Variants in OLAH observed in about 807,000 individuals in gnomAD.
The protein encoded by OLAH is S-acyl fatty acid synthase thioesterase, medium chain.
In OLAH, 33 loss-of-function variants were observed where a neutral mutation model predicts 27.8. That is an observed-to-expected ratio of 1.19 (90% CI 0.90 to 1.59). The LOEUF (loss-of-function observed/expected upper bound fraction) is 1.59, where lower values mean the gene tolerates loss of function less well. OLAH is among the 40% of genes most tolerant of loss of function. The pLI is 0.00. For synonymous variants in OLAH, 120 were observed against 102.9 expected (o/e 1.17, Z -1.01); for missense variants, 359 against 310.8 (o/e 1.16, Z -1.17).
chr10:15,034,101 CATTTTTTTTTTTTCTT>C (rs386741241), intron 1 of OLAH, among the ~76,000 whole-genome samples: 11 of 139,428 alleles, frequency 7.9e-5, no homozygotes, highest in African/African-American at 3.0e-4. Flanking sequence ...CAGACTCCAC[CATTTTTTTTTTTTCTT>C]TTTTTTTTTT....
At chr10:15,041,457 T>C (rs10906814), upstream of OLAH, among the ~76,000 whole-genome samples, 39,879 of 151,650 alleles carry the variant, frequency 0.26, 5,775 homozygotes, top group East Asian at 0.48. Flanking sequence ...TTCATATTTT[T>C]AGTAGAGACG....
chr10:15,065,417 T>G, intron 5 of OLAH, 167 bp from the exon 6 acceptor site: 1 of 632,130 alleles, frequency 1.6e-6, no homozygotes. Flanking sequence ...ATGAGCCTTC[T>G]TCTCCCTACT....
rs1844450887 is a variant in OLAH at position 15,065,582 on chromosome 10, A to G, written c.403-2A>G. On this transcript the variant is annotated splice_acceptor_variant, in intron 5 of 7. Transcript: ENST00000378228. LOFTEE classifies it high-confidence loss of function. ...GGCCTGTGTTGTTGTTCATGTTTCA[A>G]GTCAAAGGCCTGGCATCGCATTCCC... 1.2e-6 allele frequency: 2 copies of G among 1,607,326 alleles called. No individual in the cohort carries two copies. The highest frequency in any genetic ancestry group is 1.7e-6 in the Non-Finnish European group (2 of 1,177,742).
upstream of OLAH, among the ~76,000 whole-genome samples, chr10:15,040,421 T>C (rs114855490): frequency 1.9e-3 from 295 of 152,304 alleles, no homozygotes; most frequent in African/African-American, 6.4e-3. Flanking sequence ...GCCTTTCCAG[T>C]TGCTCCCACT....
chr10:15,049,602 A>G (rs1844091956), intron 2 of OLAH, 33 bp from the exon 3 acceptor site: 1 of 1,427,640 alleles, frequency 7.0e-7, no homozygotes, highest in Non-Finnish European at 9.6e-7. Context: ...ATTGATATAC[A>G]TAATGTTAAA....
At chr10:15,072,457 A>G (rs1844609606) in intron 7 of OLAH, among the ~76,000 whole-genome samples, 1 of 152,150 alleles carries the variant, frequency 6.6e-6, no homozygotes, top group Non-Finnish European at 1.5e-5. Context: ...ACCTAGTGTA[A>G]GAGTTAAAGA....
At chr10:15,046,558 C>G (rs1321807664) in intron 1 of OLAH, among the ~76,000 whole-genome samples, 6 of 151,902 alleles carry the variant, frequency 3.9e-5, no homozygotes, top group Non-Finnish European at 8.8e-5. Context: ...GACTTCATCT[C>G]CCGGGTTCAA....
Position 15,047,126 on chromosome 10 carries a change from G to A in OLAH, c.-163G>A. 3.7e-6 allele frequency: 2 copies of A among 542,472 alleles called. No homozygotes were observed. Among genetic ancestry groups the A allele is most frequent in the Non-Finnish European group, 6.5e-6 (2 of 309,136 alleles). The allele number at this position is 542,472 out of a possible 1,614,324, so 33.6% of individuals were successfully genotyped here. A position where few individuals can be genotyped will look rare whatever the true frequency, so the allele number is the denominator to read the frequency against. ...CTCTGACCTTCTTTATTTTTAACAG[G>A]GATTGGAGAGGTCAATAAGAGTCAG... On this transcript the variant is annotated splice_region_variant and 5_prime_UTR_variant, in exon 2 of 8. Transcript: ENST00000378228.
intron 3 of OLAH, among the ~76,000 whole-genome samples, chr10:15,059,443 T>C (rs1381448655): frequency 6.6e-6 from 1 of 151,652 alleles, no homozygotes; most frequent in Non-Finnish European, 1.5e-5. Context: ...AGCCTCGGCC[T>C]CCCAAAGTGC....
intron 6 of OLAH, chr10:15,071,418 G>T: frequency 5.0e-6 from 3 of 599,032 alleles, no homozygotes; most frequent in Non-Finnish European, 6.3e-6. Context: ...CACGTTTGCT[G>T]CTGTTGTGAG....
intron 1 of OLAH, among the ~76,000 whole-genome samples, chr10:15,045,093 G>A (rs1260440748): frequency 6.6e-6 from 1 of 152,166 alleles, no homozygotes; most frequent in Non-Finnish European, 1.5e-5. Context: ...CTTGAGGAGA[G>A]AGTCACTGTT....
At position 15,061,746 on chromosome 10, in the gene OLAH, A is replaced by T; in HGVS notation, c.186A>T (p.Gly62=). Residue 62 remains glycine (G), a synonymous_variant, in exon 4 of 8, where the codon GGA becomes GGT. Transcript: ENST00000378228. Reference sequence around the variant, plus strand: ...CAGTGCACTCCTTAAGGCTTCCTGGAAGAGAAAGCAGAGTTGAAGAACCTC... The same window carrying T: ...CAGTGCACTCCTTAAGGCTTCCTGGTAGAGAAAGCAGAGTTGAAGAACCTC... ...LLEVHSLRLP[G]RESRVEEPLE... is the part of the protein sequence containing the mutation. The T allele has an allele frequency of 6.2e-7, 1 of 1,612,758 alleles. No homozygotes were observed. The highest frequency in any genetic ancestry group is 8.5e-7 in the Non-Finnish European group (1 of 1,179,520).
At chr10:15,039,954 C>G (rs1843896849), upstream of OLAH, among the ~76,000 whole-genome samples, 1 of 152,192 alleles carries the variant, frequency 6.6e-6, no homozygotes, top group South Asian at 2.1e-4. Context: ...ACCCCTGAAC[C>G]TCACAGTTCC....
intron 3 of OLAH, among the ~76,000 whole-genome samples, chr10:15,054,737 C>T (rs1844214324): frequency 6.6e-6 from 1 of 152,082 alleles, no homozygotes; most frequent in South Asian, 2.1e-4. Flanking sequence ...CACTTTGCAT[C>T]CACTGTGTTG....
chr10:15,063,441 G>A (rs1844407464), intron 4 of OLAH, among the ~76,000 whole-genome samples: 1 of 152,168 alleles, frequency 6.6e-6, no homozygotes, highest in South Asian at 2.1e-4. Context: ...TGTAGAAGTT[G>A]TTGCTATATA....
At chr10:15,049,517 T>C in intron 2 of OLAH, 118 bp from the exon 3 acceptor site, 1 of 696,314 alleles carries the variant, frequency 1.4e-6, no homozygotes, top group Non-Finnish European at 2.2e-6. Context: ...GCAATCACTT[T>C]ATATATGAAC....
chr10:15,061,891 AG>A (rs770603272), intron 4 of OLAH, 29 bp downstream of exon 4: 36 of 1,600,574 alleles, frequency 2.2e-5, no homozygotes, highest in Non-Finnish European at 2.9e-5. Flanking sequence ...AAAAGACTTC[AG>A]GGGAGTTTCT....
At chr10:15,045,646 A>C (rs1325767265) in intron 1 of OLAH, among the ~76,000 whole-genome samples, 1 of 152,176 alleles carries the variant, frequency 6.6e-6, no homozygotes, top group South Asian at 2.1e-4. Context: ...CCTCCACTGC[A>C]TGACAAAAGC....
At position 15,046,577 on chromosome 10, in the gene OLAH, C is replaced by T. The variant is rs571355581; in HGVS notation, c.-163-549C>T. Among the ~76,000 whole-genome samples, 447 of 152,116 alleles carry T rather than the reference C, an allele frequency of 2.9e-3. 2 individuals carry two copies. Among genetic ancestry groups the T allele is most frequent in the African/African-American group, 0.01 (432 of 41,524 alleles). ...TCATCTCCCGGGTTCAAGCGATTCTCCTGCCTCAGCCTCCCAACTAGCTGG... is the reference window on the plus strand; with the variant it reads ...TCATCTCCCGGGTTCAAGCGATTCTTCTGCCTCAGCCTCCCAACTAGCTGG... On this transcript the variant is annotated intron_variant, in intron 1 of 7. Coordinates refer to ENST00000378228, the MANE Select transcript of OLAH (RefSeq NM_001039702.3).
Sources: allele counts gnomAD v4.1 joint callset (sites outside exome capture counted in the v4.1 genomes callset), GRCh38; gene constraint gnomAD v4.1.1; transcripts MANE v1.5; gene names NCBI Gene and HGNC (gene_info 2026-07-23, HGNC 2026-07-21).